The following ATRX variants were observed in gnomAD, a reference collection of about 807,000 sequenced individuals.
The protein encoded by ATRX is ATRX chromatin remodeler.
A neutral mutation model predicts 172.6 loss-of-function variants in ATRX; 12 were observed. The observed-to-expected ratio is 0.07, with a 90% CI of 0.04 to 0.11. ATRX has a LOEUF of 0.11. ATRX is among the 10% of genes least tolerant of loss of function. ATRX has a pLI of 1.00. For synonymous variants in ATRX, 674 were observed against 594.7 expected (o/e 1.13, Z -1.94); for missense variants, 1,368 against 1,767.4 (o/e 0.77, Z 4.05).
intron 30 of ATRX, 136 bp downstream of exon 30, chrX:77,557,315 A>G: frequency 1.7e-6 from 1 of 593,766 alleles, no homozygotes; most frequent in South Asian, 2.9e-5. Context: ...TTCTAGACAA[A>G]ATTCATTAAA....
chrX:77,508,270 AGTTCT>A lies in ATRX; in HGVS notation c.*76_*80del. The A allele has an allele frequency of 1.8e-6, 2 of 1,097,312 alleles. No individual in the cohort carries two copies. Among genetic ancestry groups the A allele is most frequent in the Non-Finnish European group, 2.5e-6 (2 of 797,236 alleles). The allele number at this position is 1,097,312 out of a possible 1,213,427, so 90.4% of individuals were successfully genotyped here. ...GGGGACCAAACTATTTATACAGTTG[AGTTCT>A]GTTAAGTCATTGATTCCTAAAAAAA... On this transcript the variant is annotated 3_prime_UTR_variant, in exon 35 of 35. Coordinates refer to ENST00000373344, the MANE Select transcript of ATRX (RefSeq NM_000489.6).
intron 1 of ATRX, among the ~76,000 whole-genome samples, chrX:77,738,557 T>C (rs2074706155): frequency 1.0e-5 from 1 of 100,165 alleles, no homozygotes; most frequent in South Asian, 4.5e-4. Flanking sequence ...CTCTTTTGTG[T>C]CTTTTTTTTT....
At position 77,693,804 on chromosome X, in the gene ATRX, T is replaced by G; in HGVS notation, c.484+20A>C. ...ATAAACAGCAATTTAAATTCATGTTTCATTTTCACTTGTATTTACCTCCGC... is the reference window on the plus strand; with the variant it reads ...ATAAACAGCAATTTAAATTCATGTTGCATTTTCACTTGTATTTACCTCCGC... On this transcript the variant is annotated intron_variant, in intron 6 of 34. Coordinates refer to ENST00000373344, the MANE Select transcript of ATRX (RefSeq NM_000489.6). 8.7e-7 allele frequency: 1 copy of G among 1,148,124 alleles called. No homozygotes were observed. The highest frequency in any genetic ancestry group is 2.2e-5 in the Admixed American group (1 of 45,913). 94.6% of individuals were successfully genotyped at this position (1,148,124 alleles called of 1,213,427 possible).
intron 25 of ATRX, among the ~76,000 whole-genome samples, chrX:77,598,331 G>A (rs1557085090): frequency 9.0e-6 from 1 of 111,091 alleles, no homozygotes; most frequent in East Asian, 2.8e-4. Flanking sequence ...TAACTACTGA[G>A]TACTATGTTC....
chrX:77,677,500 C>T (rs782501154), intron 9 of ATRX, among the ~76,000 whole-genome samples: 3 of 111,222 alleles, frequency 2.7e-5, no homozygotes, highest in Non-Finnish European at 5.7e-5. Flanking sequence ...AAGATACACA[C>T]GTGGTACAAC....
At chrX:77,606,881 A>C (rs782277416) in intron 22 of ATRX, among the ~76,000 whole-genome samples, 1 of 112,309 alleles carries the variant, frequency 8.9e-6, no homozygotes, top group African/African-American at 3.2e-5. Context: ...TAAAGGATAA[A>C]AACCATATAA....
chrX:77,668,685 C>A (rs138097198), intron 10 of ATRX, among the ~76,000 whole-genome samples: 1 of 110,625 alleles, frequency 9.0e-6, no homozygotes, highest in Non-Finnish European at 1.9e-5. Context: ...TCGGAACTGG[C>A]GCATGAGAAA....
At position 77,683,951 on chromosome X, in the gene ATRX, T is replaced by A. The variant is rs2148625997; in HGVS notation, c.1305A>T (p.Ile435=). The change falls in exon 9 of 35, where the codon ATA becomes ATT. Residue 435 remains isoleucine (I), a synonymous_variant. Transcript: ENST00000373344. ...KEKNTKEHKV[I]DAKFETKARK... ...GTGCTTTTGTTTCAAACTTAGCATC[T>A]ATGACTTTATGCTCTTTGGTATTTT... is the stretch of plus-strand genomic sequence containing the variant. 2 of 1,209,861 alleles carry A rather than the reference T, an allele frequency of 1.7e-6. No individual in the cohort carries two copies. The highest frequency in any genetic ancestry group is 4.3e-5 in the Admixed American group (2 of 46,004).
rs1557139572 is a variant in ATRX at position 77,682,784 on chromosome X, C to G, written c.2472G>C (p.Glu824Asp). ...SSNYDSELEKEIKSMSKIGAA... is the reference protein window; with the variant it reads ...SSNYDSELEKDIKSMSKIGAA... ...CACCAATTTTACTCATGCTCTTTAT[C>G]TCTTTTTCTAATTCTGAGTCATAAT... The change falls in exon 9 of 35, where the codon GAG becomes GAC. Residue 824 changes from glutamate to aspartate, a missense_variant. This residue lies in a region of ATRX where 843 missense variants were observed against 643.1 expected (regional missense o/e 1.31). Transcript: ENST00000373344. 3 of 1,210,379 alleles carry G rather than the reference C, an allele frequency of 2.5e-6. No homozygotes were observed. Among genetic ancestry groups the G allele is most frequent in the South Asian group, 1.8e-5 (1 of 56,664 alleles).
chrX:77,767,428 C>G (rs2148932536), intron 1 of ATRX, among the ~76,000 whole-genome samples: 1 of 110,363 alleles, frequency 9.1e-6, no homozygotes, highest in African/African-American at 3.3e-5. Flanking sequence ...CAGAGTCTCG[C>G]TCTGTCACCC....
chrX:77,775,917 A>T (rs1397581499), intron 1 of ATRX, among the ~76,000 whole-genome samples: 6 of 110,277 alleles, frequency 5.4e-5, no homozygotes, highest in African/African-American at 2.0e-4. Flanking sequence ...TTTTTAGTAG[A>T]GACGGGGTTT....
chrX:77,517,866 C>CA (rs375099778), intron 34 of ATRX, among the ~76,000 whole-genome samples: 144 of 112,113 alleles, frequency 1.3e-3, no homozygotes, highest in African/African-American at 3.1e-3. Context: ...GATGATTTAA[C>CA]TATGCAAATC....
chrX:77,516,123 G>A (rs964555700), intron 34 of ATRX, among the ~76,000 whole-genome samples: 1 of 111,619 alleles, frequency 9.0e-6, no homozygotes, highest in Non-Finnish European at 1.9e-5. Flanking sequence ...TAACTTATGG[G>A]TGCTAGGCTT....
intron 2 of ATRX, among the ~76,000 whole-genome samples, chrX:77,710,509 G>A (rs143520110): frequency 0.012 from 1,374 of 110,363 alleles, 12 homozygotes; most frequent in Non-Finnish European, 0.018. Flanking sequence ...TGAGTGTCAT[G>A]TCAGCACTCA....
intron 7 of ATRX, among the ~76,000 whole-genome samples, chrX:77,687,753 A>G (rs1361476336): frequency 2.7e-5 from 3 of 112,312 alleles, no homozygotes; most frequent in African/African-American, 9.7e-5. Context: ...AACAAAGTAC[A>G]GTTCATTTAA....
At chrX:77,739,584 A>C (rs1389637395) in intron 1 of ATRX, among the ~76,000 whole-genome samples, 1 of 110,949 alleles carries the variant, frequency 9.0e-6, no homozygotes, top group Non-Finnish European at 1.9e-5. Flanking sequence ...ATAATAAGAA[A>C]AACAAATTAT....
rs1196612491 is a variant in ATRX at position 77,745,558 on chromosome X, A to G, written c.21-28315T>C. On this transcript the variant is annotated intron_variant, in intron 1 of 34. Transcript: ENST00000373344. ...AATCAAAACAATTGAACTCATAGAG[A>G]TAGAGAGTAGAATGATGGTTACCAG... Among the ~76,000 whole-genome samples the G allele has an allele frequency of 3.6e-5, 4 of 111,456 alleles. No individual in the cohort carries two copies. The East Asian group carries it at 8.4e-4, about 23-fold the overall frequency.
chrX:77,591,218 G>A (rs782056950), intron 26 of ATRX, among the ~76,000 whole-genome samples: 3 of 111,456 alleles, frequency 2.7e-5, no homozygotes, highest in East Asian at 2.8e-4. Flanking sequence ...CTCTCCTTTC[G>A]GTCACCAATT....
chrX:77,592,673 G>A (rs781784559), intron 26 of ATRX, among the ~76,000 whole-genome samples: 3 of 108,703 alleles, frequency 2.8e-5, no homozygotes, highest in African/African-American at 6.7e-5. Context: ...TTAGCTGGGC[G>A]TGGTGGTGCG....
Sources: gnomAD v4.1 joint callset for allele counts (sites outside exome capture counted in the v4.1 genomes callset) on GRCh38, gnomAD v4.1.1 for gene constraint, gnomAD v4.1.1 regional missense constraint, MANE v1.5 for transcripts, NCBI Gene and HGNC (gene_info 2026-07-23, HGNC 2026-07-21) for gene names.